RNF17: variants seen among roughly 807,000 people sequenced by gnomAD.
The protein encoded by RNF17 is spermatogenesis associated 23.
RNF17 carries 31 observed loss-of-function variants against 200.5 expected under a neutral mutation model. That is an observed-to-expected ratio of 0.15 (90% CI 0.12 to 0.21). The LOEUF is 0.21. Among genes scored for constraint, RNF17 ranks in the 10% least tolerant of loss-of-function variants. RNF17 has a pLI of 1.00. For synonymous variants in RNF17, 606 were observed against 637.8 expected (o/e 0.95, Z 0.75); for missense variants, 1,628 against 1,905.1 (o/e 0.85, Z 2.71).
intron 18 of RNF17, among the ~76,000 whole-genome samples, chr13:24,838,550 C>T (rs745783956): frequency 6.6e-6 from 1 of 151,870 alleles, no homozygotes; most frequent in African/African-American, 2.4e-5. Context: ...AAATGTGATA[C>T]ACCACATAAA....
At chr13:24,862,086 A>T (rs1893156941) in intron 27 of RNF17, among the ~76,000 whole-genome samples, 1 of 152,174 alleles carries the variant, frequency 6.6e-6, no homozygotes, top group African/African-American at 2.4e-5. Context: ...GCATGGGGGA[A>T]ACTGCCCCAT....
chr13:24,812,113 C>T (rs531669331), intron 15 of RNF17, among the ~76,000 whole-genome samples: 1 of 147,250 alleles, frequency 6.8e-6, no homozygotes, highest in East Asian at 2.1e-4. Context: ...GTGCCCTGCC[C>T]CCAGAGGTGG....
intron 22 of RNF17, among the ~76,000 whole-genome samples, chr13:24,845,666 C>T (rs377383708): frequency 3.5e-4 from 54 of 152,156 alleles, no homozygotes; most frequent in Non-Finnish European, 5.4e-4. Flanking sequence ...GAATCGGCAA[C>T]GGTATTTCAC....
At position 24,779,465 on chromosome 13, in the gene RNF17, G is replaced by C. The variant is rs148576803; in HGVS notation, c.430-202G>C. Among the ~76,000 whole-genome samples the C allele has an allele frequency of 9.3e-3, 1,411 of 152,130 alleles. 12 individuals are homozygous for C. Among genetic ancestry groups the C allele is most frequent in the Middle Eastern group, 0.02 (6 of 294 alleles). On this transcript the variant is annotated intron_variant, in intron 4 of 35. Transcript: ENST00000255324. ...AAAAATCTGGAATGGTCTAACTAAA[G>C]CTCTAAAATATGAATGGTTTTTATC...
upstream of RNF17, among the ~76,000 whole-genome samples, chr13:24,763,369 ATTTTT>A (rs34750040): frequency 2.0e-4 from 23 of 114,696 alleles, no homozygotes; most frequent in East Asian, 5.3e-4. Flanking sequence ...CGTCCGGCTA[ATTTTT>A]TTTTTTTTTT....
chr13:24,765,878 A>G (rs910799941), intron 1 of RNF17, among the ~76,000 whole-genome samples: 2 of 152,238 alleles, frequency 1.3e-5, no homozygotes, highest in Non-Finnish European at 2.9e-5. Context: ...GCATGGTTGT[A>G]AGCAAGTTTC....
upstream of RNF17, among the ~76,000 whole-genome samples, chr13:24,762,996 C>T (rs1341964027): frequency 1.3e-5 from 2 of 152,058 alleles, no homozygotes; most frequent in African/African-American, 4.8e-5. Context: ...TTCCATCTAC[C>T]TTCCCTCACA....
intron 29 of RNF17, among the ~76,000 whole-genome samples, chr13:24,865,368 C>T (rs375391414): frequency 6.6e-5 from 10 of 152,086 alleles, no homozygotes; most frequent in Non-Finnish European, 1.3e-4. Context: ...ACACAAAAGC[C>T]GTGTATTACA....
downstream of RNF17, chr13:24,883,897 C>T: frequency 1.2e-6 from 2 of 1,604,586 alleles, no homozygotes; most frequent in Non-Finnish European, 1.7e-6. Flanking sequence ...GGCTGGGGCA[C>T]CTTCTGAGCA....
chr13:24,859,218 ATAGTC>A, intron 26 of RNF17, 54 bp downstream of exon 26: 2 of 1,335,184 alleles, frequency 1.5e-6, no homozygotes, highest in Non-Finnish European at 2.0e-6. Flanking sequence ...ATAGCATTAA[ATAGTC>A]TTGTGCATTT....
chr13:24,877,038 G>C lies in RNF17; in HGVS notation c.4625G>C (p.Arg1542Pro). The change falls in exon 34 of 36, where the codon CGA (arginine) becomes CCA (proline). Residue 1542 changes from arginine to proline, a missense_variant. Around this residue, in one of 5 missense-constraint regions of RNF17, gnomAD observed 609 missense variants for 681.9 expected, o/e 0.89. Transcript: ENST00000255324. ...TCTCATCTTATGCGGTATCCAGCTC[G>C]AGCCATAAAGGTTCTCTTGGCAGGG... The part of the protein sequence containing the change: ...IPSHLMRYPA[R>P]AIKVLLAGFK... 6.2e-7 allele frequency: 1 copy of C among 1,611,488 alleles called. No individual in the cohort carries two copies. Among genetic ancestry groups the C allele is most frequent in the Middle Eastern group, 1.7e-4 (1 of 6,054 alleles).
At chr13:24,799,248 C>T in intron 11 of RNF17, 147 bp from the exon 12 acceptor site, 2 of 624,184 alleles carry the variant, frequency 3.2e-6, no homozygotes, top group Non-Finnish European at 5.6e-6. Flanking sequence ...TGTATTATAT[C>T]TTTCTTATAG....
chr13:24,775,978 T>C (rs1881508335), intron 3 of RNF17, among the ~76,000 whole-genome samples: 1 of 152,230 alleles, frequency 6.6e-6, no homozygotes, highest in South Asian at 2.1e-4. Context: ...TTCCTGGAAC[T>C]GTACTCAGAT....
chr13:24,849,629 G>A (rs1236512459), intron 22 of RNF17, among the ~76,000 whole-genome samples: 3 of 152,148 alleles, frequency 2.0e-5, no homozygotes, highest in East Asian at 1.9e-4. Flanking sequence ...TCATTTATCT[G>A]TCAGATATTT....
intron 18 of RNF17, among the ~76,000 whole-genome samples, chr13:24,832,322 G>C (rs1312202586): frequency 6.6e-6 from 1 of 152,114 alleles, no homozygotes; most frequent in Non-Finnish European, 1.5e-5. Context: ...AGGGGAGGTG[G>C]GACATGATTG....
At chr13:24,823,644 TGAG>T (rs1426435722) in intron 15 of RNF17, among the ~76,000 whole-genome samples, 1 of 152,204 alleles carries the variant, frequency 6.6e-6, no homozygotes, top group Non-Finnish European at 1.5e-5. Flanking sequence ...GGAATCAGCC[TGAG>T]GTCATAGTTA....
intron 22 of RNF17, 84 bp from the exon 23 acceptor site, chr13:24,850,255 ATC>A (rs1891725968): frequency 1.3e-6 from 1 of 778,266 alleles, no homozygotes; most frequent in East Asian, 2.7e-5. Context: ...CTATGAGTGT[ATC>A]TGTGTGTAAA....
intron 15 of RNF17, among the ~76,000 whole-genome samples, chr13:24,816,725 C>T (rs998751030): frequency 6.6e-6 from 1 of 152,186 alleles, no homozygotes; most frequent in African/African-American, 2.4e-5. Flanking sequence ...GTCAGCACTC[C>T]TGGAGAGTGG....
chr13:24,885,401 C>T, the RNF17 span: 1 of 1,558,516 alleles, frequency 6.4e-7, no homozygotes, highest in Non-Finnish European at 8.9e-7. Flanking sequence ...AAGCACAACA[C>T]ATTTCAAGCA....
Sources: allele counts gnomAD v4.1 joint callset (sites outside exome capture counted in the v4.1 genomes callset), GRCh38; gene constraint gnomAD v4.1.1; regional missense constraint gnomAD v4.1.1; transcripts MANE v1.5; gene names NCBI Gene and HGNC (gene_info 2026-07-23, HGNC 2026-07-21).